Variants in ARL15 observed in about 807,000 individuals in gnomAD.
The protein encoded by ARL15 is ADP-ribosylation factor-like protein 15.
A neutral mutation model predicts 25.2 loss-of-function variants in ARL15; 19 were observed. That is an observed-to-expected ratio of 0.75 (90% CI 0.53 to 1.10). The LOEUF (loss-of-function observed/expected upper bound fraction) is 1.10. Ranked by LOEUF, ARL15 falls within the 50% of genes least tolerant of loss-of-function variation. The pLI is 0.00. For missense variants in ARL15, 220 were observed against 246.0 expected, an observed-to-expected ratio of 0.89 and a Z score of 0.71; for synonymous variants, 94 against 86.8, an observed-to-expected ratio of 1.08 and a Z score of -0.46.
intron 1 of ARL15, among the ~76,000 whole-genome samples, chr5:54,279,969 T>C (rs1758013582): frequency 6.6e-6 from 1 of 152,208 alleles, no homozygotes; most frequent in Non-Finnish European, 1.5e-5. Context: ...CGTGCAGAAA[T>C]TGTGTTTCTA....
chr5:54,108,437 CAAGATACTT>C (rs1316312609), intron 4 of ARL15, among the ~76,000 whole-genome samples: 1 of 152,072 alleles, frequency 6.6e-6, no homozygotes, highest in Non-Finnish European at 1.5e-5. Flanking sequence ...AGAGGCAGGT[CAAGATACTT>C]GGAAAACTCT....
chr5:54,215,090 TTGGGGGTGGGGAGGAGG>T (rs1253399279), intron 1 of ARL15, among the ~76,000 whole-genome samples: 1 of 152,056 alleles, frequency 6.6e-6, no homozygotes, highest in Non-Finnish European at 1.5e-5. Flanking sequence ...TTGAGGGGGC[TTGGGGGTGGGGAGGAGG>T]CCTTTCCCTA....
chr5:54,291,739 A>G (rs577475818), intron 1 of ARL15, among the ~76,000 whole-genome samples: 1 of 152,280 alleles, frequency 6.6e-6, no homozygotes, highest in South Asian at 2.1e-4. Context: ...TGTATAATCC[A>G]TCTTCCATTC....
chr5:54,214,905 T>C (rs1233579963), intron 1 of ARL15, among the ~76,000 whole-genome samples: 4 of 152,158 alleles, frequency 2.6e-5, no homozygotes, highest in Admixed American at 6.5e-5. Context: ...CCACTGAGAA[T>C]GGACATACTG....
chr5:53,921,721 G>A (rs1470378390), intron 4 of ARL15, among the ~76,000 whole-genome samples: 2 of 152,222 alleles, frequency 1.3e-5, no homozygotes, highest in Admixed American at 6.5e-5. Context: ...GCAGTGAGCC[G>A]AGATTGTGCC....
At chr5:54,237,696 A>ACT (rs1756846306) in intron 1 of ARL15, among the ~76,000 whole-genome samples, 1 of 152,214 alleles carries the variant, frequency 6.6e-6, no homozygotes, top group South Asian at 2.1e-4. Context: ...GACTGTTACC[A>ACT]CCTGAGGGCA....
chr5:54,005,109 C>T (rs1030350527), intron 4 of ARL15, among the ~76,000 whole-genome samples: 5 of 152,146 alleles, frequency 3.3e-5, no homozygotes, highest in African/African-American at 1.2e-4. Context: ...GTTTCAGCCT[C>T]CCAAAGTACT....
chr5:54,041,855 G>A (rs934140707), intron 4 of ARL15, among the ~76,000 whole-genome samples: 1 of 152,194 alleles, frequency 6.6e-6, no homozygotes, highest in African/African-American at 2.4e-5. Context: ...GGATTTGAGG[G>A]CTATGTAGCT....
intron 3 of ARL15, among the ~76,000 whole-genome samples, chr5:54,120,916 C>T (rs1479857377): frequency 4.6e-5 from 7 of 152,176 alleles, no homozygotes; most frequent in Admixed American, 6.5e-5. Context: ...GCACAACTTG[C>T]CAATTTCCCC....
chr5:54,062,852 A>C (rs1751110447), intron 4 of ARL15, among the ~76,000 whole-genome samples: 1 of 152,210 alleles, frequency 6.6e-6, no homozygotes, highest in Admixed American at 6.5e-5. Flanking sequence ...GGAAGCCCAC[A>C]AAAAGAAACA....
intron 4 of ARL15, among the ~76,000 whole-genome samples, chr5:54,106,215 G>A (rs1317862343): frequency 6.6e-6 from 1 of 152,170 alleles, no homozygotes; most frequent in African/African-American, 2.4e-5. Context: ...GGTTAGAGTG[G>A]TGAGGATTCG....
intron 4 of ARL15, among the ~76,000 whole-genome samples, chr5:54,022,484 C>G (rs2111845262): frequency 6.6e-6 from 1 of 152,242 alleles, no homozygotes; most frequent in South Asian, 2.1e-4. Flanking sequence ...ATAATCTTAT[C>G]AAACAGAGAA....
chr5:54,269,082 T>C (rs867065809), intron 1 of ARL15, among the ~76,000 whole-genome samples: 6 of 146,508 alleles, frequency 4.1e-5, no homozygotes, highest in Non-Finnish European at 7.5e-5. Flanking sequence ...GGGGTAGGGG[T>C]GGGGGGTAGG....
intron 1 of ARL15, among the ~76,000 whole-genome samples, chr5:54,172,178 CA>C (rs1249551194): frequency 3.3e-5 from 5 of 152,080 alleles, no homozygotes; most frequent in Admixed American, 3.3e-4. Context: ...AGGTGCACTG[CA>C]AAAAGCATGA....
At chr5:54,002,053 C>CT in intron 4 of ARL15, among the ~76,000 whole-genome samples, 1 of 152,158 alleles carries the variant, frequency 6.6e-6, no homozygotes, top group South Asian at 2.1e-4. Context: ...TCACTGGACG[C>CT]TAAAAAATCA....
intron 1 of ARL15, among the ~76,000 whole-genome samples, chr5:54,227,502 C>T (rs181187606): frequency 2.6e-4 from 39 of 152,300 alleles, no homozygotes; most frequent in African/African-American, 9.4e-4. Context: ...CTTGCTCAAA[C>T]GCTGAGTCTG....
At chr5:54,207,312 A>G (rs990376441) in intron 1 of ARL15, among the ~76,000 whole-genome samples, 1 of 152,206 alleles carries the variant, frequency 6.6e-6, no homozygotes, top group Non-Finnish European at 1.5e-5. Context: ...TCCAGAAGAG[A>G]TATTTTACTT....
intron 2 of ARL15, among the ~76,000 whole-genome samples, chr5:54,165,289 C>T (rs191423337): frequency 1.1e-3 from 165 of 151,868 alleles, no homozygotes; most frequent in African/African-American, 3.9e-3. Context: ...TATAATTATC[C>T]ACATAATTTG....
Position 54,268,781 on chromosome 5 carries a change from T to C in ARL15, c.48+41651A>G, listed in dbSNP as rs998953019. On this transcript the variant is annotated intron_variant, in intron 1 of 4. Coordinates refer to ENST00000504924, the MANE Select transcript of ARL15 (RefSeq NM_019087.3). ...AAAGACACATGCACACATATGTTTATGGCAGCACTATTCACAATAGCAAAG... is the reference window on the plus strand; with the variant it reads ...AAAGACACATGCACACATATGTTTACGGCAGCACTATTCACAATAGCAAAG... Among the ~76,000 whole-genome samples, 29 of 152,350 alleles carry C rather than the reference T, an allele frequency of 1.9e-4. 1 individual carries two copies. The highest frequency in any genetic ancestry group is 7.0e-4 in the African/African-American group (29 of 41,584).
Sources: allele counts gnomAD v4.1 joint callset (sites outside exome capture counted in the v4.1 genomes callset), GRCh38; gene constraint gnomAD v4.1.1; transcripts MANE v1.5; gene names NCBI Gene and HGNC (gene_info 2026-07-23, HGNC 2026-07-21).